Variants in ESYT3 observed in about 807,000 individuals in gnomAD.
ESYT3 encodes extended synaptotagmin-3.
Under a neutral mutation model 111.5 loss-of-function variants are expected in ESYT3, and 101 were observed. The observed-to-expected ratio is 0.91, with a 90% CI of 0.77 to 1.07. The LOEUF (loss-of-function observed/expected upper bound fraction) is 1.07. Ranked by LOEUF, ESYT3 falls within the 50% of genes least tolerant of loss-of-function variation. The pLI, the probability that ESYT3 is intolerant of heterozygous loss-of-function variation, is 0.00. For missense variants in ESYT3, 1,097 were observed against 1,109.4 expected (o/e 0.99, Z 0.16); for synonymous variants, 416 against 446.8 (o/e 0.93, Z 0.87).
intron 2 of ESYT3, among the ~76,000 whole-genome samples, chr3:138,454,745 G>C (rs1022792512): frequency 3.3e-5 from 5 of 152,126 alleles, no homozygotes; most frequent in African/African-American, 9.7e-5. Context: ...TCGGGCAAAG[G>C]CTGCCTTTTC....
At chr3:138,481,018 ATT>A (rs1429248527), downstream of ESYT3, 1 of 152,244 alleles carries the variant, frequency 6.6e-6, no homozygotes, top group East Asian at 1.9e-4. Context: ...TGCTGGGACA[ATT>A]GGATATTCAT....
chr3:138,470,298 C>T (rs1032608484), intron 16 of ESYT3, 152 bp downstream of exon 16: 7 of 1,366,482 alleles, frequency 5.1e-6, no homozygotes, highest in Admixed American at 2.7e-5. Context: ...CCCACAAGGC[C>T]TCATCTCCTT....
In ESYT3 at chr3:138,476,461, A is replaced by G. The variant is rs1397763046; in HGVS notation, c.2593A>G (p.Lys865Glu). ...TATTTAGGTACTGATTGACTTATCAAAAGAAGATCTGATTAAGGGCTTTTC... is the reference window on the plus strand; with the variant it reads ...TATTTAGGTACTGATTGACTTATCAGAAGAAGATCTGATTAAGGGCTTTTC... ...ELGKVLIDLS[K>E]EDLIKGFSQW... The change falls in exon 22 of 23, where the codon AAA becomes GAA. Residue 865 changes from lysine (K) to glutamate (E), a missense_variant. Physicochemically the swap from Lys to Glu is moderately conservative, Grantham distance 56. Coordinates refer to ENST00000389567, the MANE Select transcript of ESYT3 (RefSeq NM_031913.5). The G allele has an allele frequency of 1.9e-6, 3 of 1,613,918 alleles. No homozygotes were observed. The highest frequency in any genetic ancestry group is 1.3e-5 in the African/African-American group (1 of 74,948).
chr3:138,470,449 G>A (rs746730125), intron 16 of ESYT3: 11 of 1,110,520 alleles, frequency 9.9e-6, no homozygotes, highest in African/African-American at 3.2e-5. Flanking sequence ...TAATAATGGT[G>A]TACTTTAAAA....
chr3:138,443,736 CTGTGTGTG>C (rs11268903), intron 1 of ESYT3, among the ~76,000 whole-genome samples: 17 of 147,984 alleles, frequency 1.1e-4, no homozygotes, highest in African/African-American at 3.3e-4. Flanking sequence ...GTTTGTGCAT[CTGTGTGTG>C]TGTGTGTGTG....
At chr3:138,461,280 A>G (rs867080319) in intron 7 of ESYT3, among the ~76,000 whole-genome samples, 5 of 152,196 alleles carry the variant, frequency 3.3e-5, no homozygotes, top group Non-Finnish European at 7.3e-5. Flanking sequence ...CGTGGTCACA[A>G]ACATAGGCAT....
chr3:138,467,690 C>A, intron 11 of ESYT3, 81 bp downstream of exon 11: 1 of 1,340,118 alleles, frequency 7.5e-7, no homozygotes, highest in Non-Finnish European at 1.1e-6. Context: ...TGCTTCAGCC[C>A]AGCTATTCCT....
rs199633328 is a variant in ESYT3, at chr3:138,470,999, C to A, written c.1713C>A (p.Ser571Arg). Residue 571 changes from serine to arginine, a missense_variant, in exon 17 of 23, where the codon AGC becomes AGA. Physicochemically the swap from Ser to Arg is moderately radical, Grantham distance 110. Transcript: ENST00000389567. ...AGCTGGACCACTCAGGCCTGGACAG[C>A]CTCATCTCCATGAGGCTGGTGCTTC... is the stretch of plus-strand genomic sequence containing the variant. ...RFQLDHSGLD[S>R]LISMRLVLRF... is the part of the protein sequence containing the mutation. 2,116 of 1,614,074 alleles carry A rather than the reference C, an allele frequency of 1.3e-3. 1 individual carries two copies. The highest frequency in any genetic ancestry group is 1.6e-3 in the Non-Finnish European group (1,837 of 1,180,018).
At chr3:138,446,801 G>A (rs1051149976) in intron 1 of ESYT3, among the ~76,000 whole-genome samples, 27 of 152,128 alleles carry the variant, frequency 1.8e-4, no homozygotes, top group African/African-American at 4.3e-4. Context: ...CAAGGCAGGC[G>A]GATAGCTTGA....
chr3:138,471,811 T>C (rs2033234533), intron 17 of ESYT3, among the ~76,000 whole-genome samples: 1 of 152,224 alleles, frequency 6.6e-6, no homozygotes, highest in African/African-American at 2.4e-5. Context: ...CAAGATCCCA[T>C]AGGTAGCTCA....
intron 1 of ESYT3, among the ~76,000 whole-genome samples, chr3:138,451,184 C>CCCCTTCCCACACTGGGGTTCA (rs1206619366): frequency 1.3e-5 from 2 of 152,190 alleles, no homozygotes; most frequent in Admixed American, 6.5e-5. Flanking sequence ...TCCACTGTTC[C>CCCCTTCCCACACTGGGGTTCA]CCCTTCCCAC....
At chr3:138,469,032 C>T (rs1294477271) in intron 14 of ESYT3, 151 bp downstream of exon 14, 2 of 841,606 alleles carry the variant, frequency 2.4e-6, no homozygotes, top group African/African-American at 1.7e-5. Context: ...TACTGTGTGC[C>T]AGGCACTAGG....
chr3:138,461,361 A>C (rs2032628455), intron 7 of ESYT3, among the ~76,000 whole-genome samples: 1 of 152,150 alleles, frequency 6.6e-6, no homozygotes, highest in Admixed American at 6.5e-5. Flanking sequence ...TCTGGGGGCA[A>C]GTGAAGGCTG....
At position 138,440,311 on chromosome 3, in the gene ESYT3, A is replaced by G. The variant is rs1031308048; in HGVS notation, c.327+5186A>G. ...CTCCCTCCAAGCCTCCCTGCCAGCC[A>G]CTCAGGCAGACAGCCAAGGGCTGAG... On this transcript the variant is annotated intron_variant, in intron 1 of 22. Transcript: ENST00000389567. The surrounding 1 kb of genome is among the most constrained non-coding windows in gnomAD (Gnocchi z 4.2). Among the ~76,000 whole-genome samples, 3 of 152,186 alleles carry G rather than the reference A, an allele frequency of 2.0e-5. No homozygotes were observed. The highest frequency in any genetic ancestry group is 4.4e-5 in the Non-Finnish European group (3 of 68,016).
At position 138,472,676 on chromosome 3, in the gene ESYT3, C is replaced by T. The variant is rs1424705109; in HGVS notation, c.2054C>T (p.Pro685Leu). The T allele has an allele frequency of 6.2e-7, 1 of 1,614,218 alleles. No individual in the cohort carries two copies. The highest frequency in any genetic ancestry group is 8.5e-7 in the Non-Finnish European group (1 of 1,180,044). Residue 685 changes from proline to leucine, a missense_variant, in exon 18 of 23, where the codon CCA (proline) becomes CTA (leucine). Pro to Leu is a moderately conservative substitution (Grantham distance 98). Transcript: ENST00000389567. ...GAGCCCATCGGGGAGAAGAAGAGTC[C>T]AGCCACCATCTTCCTGACTGTCCCA... Reference protein sequence around the residue: ...FCEPIGEKKSPATIFLTVPGP... With the variant: ...FCEPIGEKKSLATIFLTVPGP...
chr3:138,457,046 G>C (rs1344437685), intron 3 of ESYT3, among the ~76,000 whole-genome samples: 1 of 152,114 alleles, frequency 6.6e-6, no homozygotes, highest in Non-Finnish European at 1.5e-5. Flanking sequence ...TGGGGTCACA[G>C]AGGACTCCTC....
At chr3:138,460,528 TG>T in intron 6 of ESYT3, 82 bp from the exon 7 acceptor site, 1 of 1,427,978 alleles carries the variant, frequency 7.0e-7, no homozygotes, top group Admixed American at 1.7e-5. Context: ...TCCATTCACA[TG>T]GGTGTGAGGC....
At position 138,473,534 on chromosome 3, in the gene ESYT3, AG is replaced by A. The variant is rs1305251246; in HGVS notation, c.2238-1del. On this transcript the variant is annotated splice_acceptor_variant, in intron 18 of 22. Coordinates refer to ENST00000389567, the MANE Select transcript of ESYT3 (RefSeq NM_031913.5). LOFTEE classifies it high-confidence loss of function. ...GAGAAGTGATGGGCTCTTTCTTTAC[AG>A]AGGTGGGGACCTCAGGCGACGGCAG... 6.2e-7 allele frequency: 1 copy of A among 1,612,592 alleles called. No individual in the cohort carries two copies. Among genetic ancestry groups the A allele is most frequent in the Non-Finnish European group, 8.5e-7 (1 of 1,178,838 alleles).
intron 1 of ESYT3, among the ~76,000 whole-genome samples, chr3:138,447,759 C>A (rs549113801): frequency 2.0e-5 from 3 of 151,982 alleles, no homozygotes; most frequent in Non-Finnish European, 4.4e-5. Flanking sequence ...AAAATTTGAT[C>A]CTAAATGTGA....
Sources: gnomAD v4.1 joint callset for allele counts (sites outside exome capture counted in the v4.1 genomes callset) on GRCh38, gnomAD v4.1.1 for gene constraint, Gnocchi (gnomAD v3.1) non-coding constraint, MANE v1.5 for transcripts, NCBI Gene and HGNC (gene_info 2026-07-23, HGNC 2026-07-21) for gene names.